The following SNRPN variants were observed in gnomAD, a reference collection of about 807,000 sequenced individuals.
SNRPN encodes the protein small nuclear ribonucleoprotein polypeptide N, also known as small nuclear ribonucleoprotein-associated protein N.
A neutral mutation model predicts 25.2 loss-of-function variants in SNRPN; 7 were observed. The ratio of observed to expected loss-of-function variants is 0.28; its 90% CI spans 0.16 to 0.52. SNRPN has a LOEUF of 0.52. SNRPN is among the 20% of genes least tolerant of loss of function. The pLI, the probability that SNRPN is intolerant of heterozygous loss-of-function variation, is 0.96. For missense variants in SNRPN, 196 were observed against 322.5 expected (o/e 0.61, Z 3.00); for synonymous variants, 124 against 110.6 (o/e 1.12, Z -0.76).
chr15:24,875,957 G>A (rs2055819502), intron 1 of SNRPN, among the ~76,000 whole-genome samples: 1 of 151,874 alleles, frequency 6.6e-6, no homozygotes, highest in African/African-American at 2.4e-5. Context: ...GGGAGGCTGA[G>A]GCAGGAGAAT....
chr15:24,976,305 G>C lies in SNRPN; in HGVS notation c.156G>C (p.Lys52Asn). 6.2e-7 allele frequency: 1 copy of C among 1,612,720 alleles called. No homozygotes were observed. Among genetic ancestry groups the C allele is most frequent in the Non-Finnish European group, 8.5e-7 (1 of 1,179,076 alleles). Residue 52 changes from lysine (K) to asparagine (N), a missense_variant and splice_region_variant, in exon 6 of 10, where the codon AAG becomes AAC. Physicochemically the swap from Lys to Asn is moderately conservative, Grantham distance 94. Transcript: ENST00000390687. ...LCDCDEFRKI[K>N]PKNAKQPERE... is the part of the protein sequence containing the mutation. ...ACTAAAATTTAATTCTGATTTGTAG[G>C]CCAAAGAATGCGAAGCAACCAGAGC...
rs1221464118 is a variant in SNRPN, at chr15:24,891,249, G to T, written c.-505+4660G>T. 3.3e-5 allele frequency among the ~76,000 whole-genome samples: 5 copies of T among 152,134 alleles called. 1 individual carries two copies. The South Asian group carries it at 1.0e-3, about 32-fold the overall frequency. The stretch of plus-strand genomic sequence containing the variant: ...AAAATGGCATTTTTTTTGAGACAGG[G>T]TTGTTGCTCTATTTACCAAAGACTA... On this transcript the variant is annotated intron_variant, in intron 2 of 11. Transcript: ENST00000400097.
chr15:24,831,376 A>G (rs2050500047), intron 2 of SNRPN, among the ~76,000 whole-genome samples: 2 of 152,032 alleles, frequency 1.3e-5, no homozygotes, highest in Admixed American at 1.3e-4. Context: ...ACTATGTAAA[A>G]TCTTCACATC....
intron 2 of SNRPN, among the ~76,000 whole-genome samples, chr15:24,897,583 A>G (rs541125263): frequency 1.3e-5 from 2 of 152,288 alleles, no homozygotes; most frequent in South Asian, 2.1e-4. Flanking sequence ...AGACCTTGTG[A>G]TATGGTTTGG....
At chr15:24,970,794 C>T (rs538634689) in intron 3 of SNRPN, among the ~76,000 whole-genome samples, 2 of 152,250 alleles carry the variant, frequency 1.3e-5, no homozygotes, top group East Asian at 1.9e-4. Context: ...CAGTACCACC[C>T]TTTGTATTCT....
intron 7 of SNRPN, 84 bp downstream of exon 7, chr15:24,977,113 GTGTC>G: frequency 9.0e-7 from 1 of 1,114,922 alleles, no homozygotes; most frequent in Non-Finnish European, 1.3e-6. Flanking sequence ...CTAAGTGTAT[GTGTC>G]ATACAATGTA....
At chr15:24,889,230 A>C (rs567161561) in intron 2 of SNRPN, among the ~76,000 whole-genome samples, 4 of 150,874 alleles carry the variant, frequency 2.7e-5, no homozygotes, top group Non-Finnish European at 5.9e-5. Flanking sequence ...GAAGTTTCTT[A>C]TACTAGAAGA....
chr15:24,944,314 T>C (rs776375125), intron 3 of SNRPN, among the ~76,000 whole-genome samples: 3 of 152,200 alleles, frequency 2.0e-5, no homozygotes, highest in Non-Finnish European at 4.4e-5. Flanking sequence ...TCAGTGAAAT[T>C]AGGTGCAACT....
intron 2 of SNRPN, chr15:24,910,898 T>C: frequency 1.5e-6 from 1 of 669,568 alleles, no homozygotes; most frequent in Non-Finnish European, 2.6e-6. Context: ...TGAAGGACCA[T>C]CCTTCCATAA....
intron 1 of SNRPN, among the ~76,000 whole-genome samples, chr15:24,864,489 G>A (rs1214660194): frequency 6.0e-5 from 9 of 150,806 alleles, no homozygotes; most frequent in African/African-American, 9.8e-5. Context: ...GATTACAGGC[G>A]CCCGCCACCA....
intron 1 of SNRPN, among the ~76,000 whole-genome samples, chr15:24,858,568 G>A (rs1421360165): frequency 1.3e-5 from 2 of 152,046 alleles, no homozygotes; most frequent in African/African-American, 4.8e-5. Context: ...AGGCTAAGGC[G>A]GGTGGATCAT....
At chr15:24,920,515 C>G (rs144006589) in intron 3 of SNRPN, 2 of 152,188 alleles carry the variant, frequency 1.3e-5, no homozygotes, top group African/African-American at 4.8e-5. Flanking sequence ...GAACAAGTGC[C>G]AGGACTGGTC....
chr15:24,836,655 C>T (rs1038172660), intron 2 of SNRPN, among the ~76,000 whole-genome samples: 2 of 152,020 alleles, frequency 1.3e-5, no homozygotes, highest in Admixed American at 1.3e-4. Flanking sequence ...TCAGGTGATC[C>T]GCCCTGCTCG....
chr15:24,959,210 T>G (rs187485581), intron 1 of SNRPN, among the ~76,000 whole-genome samples: 1 of 152,374 alleles, frequency 6.6e-6, no homozygotes, highest in Admixed American at 6.5e-5. Flanking sequence ...CTCAGTTTCA[T>G]AAAATGTTGG....
chr15:24,950,928 C>G (rs2062217162), upstream of SNRPN, among the ~76,000 whole-genome samples: 1 of 151,520 alleles, frequency 6.6e-6, no homozygotes, highest in East Asian at 1.9e-4. Context: ...GTGGTGCAAT[C>G]TCCCTCACCG....
chr15:24,832,607 A>G (rs1004433215), intron 2 of SNRPN, among the ~76,000 whole-genome samples: 2 of 152,022 alleles, frequency 1.3e-5, no homozygotes, highest in Non-Finnish European at 2.9e-5. Context: ...GCCAGCAGCC[A>G]CAATCCGCTG....
intron 2 of SNRPN, among the ~76,000 whole-genome samples, chr15:24,906,628 T>C (rs2151884240): frequency 6.6e-6 from 1 of 152,256 alleles, no homozygotes; most frequent in Non-Finnish European, 1.5e-5. Flanking sequence ...GAGAATTCTT[T>C]TGTGACCCAC....
At chr15:24,956,180 T>C (rs1468253866) in intron 1 of SNRPN, among the ~76,000 whole-genome samples, 2 of 152,184 alleles carry the variant, frequency 1.3e-5, no homozygotes, top group African/African-American at 4.8e-5. Context: ...TTTTGACTGA[T>C]AGGCCAGGTG....
intron 3 of SNRPN, among the ~76,000 whole-genome samples, chr15:24,936,114 CA>C (rs57194066): frequency 0.018 from 2,452 of 137,068 alleles, 57 homozygotes; most frequent in African/African-American, 0.054. Flanking sequence ...GACTCTGTCT[CA>C]AAAAAAAAAA....
Sources: gnomAD v4.1 joint callset for allele counts (sites outside exome capture counted in the v4.1 genomes callset) on GRCh38, gnomAD v4.1.1 for gene constraint, MANE v1.5 for transcripts, NCBI Gene and HGNC (gene_info 2026-07-23, HGNC 2026-07-21) for gene names.